The following NRXN3 variants were observed in gnomAD, a reference collection of about 807,000 sequenced individuals.
NRXN3 encodes neurexin III.
In NRXN3, 32 loss-of-function variants were observed where a neutral mutation model predicts 137.6. The ratio of observed to expected loss-of-function variants is 0.23; its 90% CI spans 0.18 to 0.31. NRXN3 has a LOEUF of 0.31. NRXN3 is among the 10% of genes least tolerant of loss of function. The pLI, the probability that NRXN3 is intolerant of heterozygous loss-of-function variation, is 1.00. For missense variants in NRXN3, 1,574 were observed against 2,062.5 expected (o/e 0.76, Z 4.59); for synonymous variants, 798 against 784.5 (o/e 1.02, Z -0.29).
chr14:79,464,613 G>T (rs1450224160), intron 15 of NRXN3, among the ~76,000 whole-genome samples: 1 of 152,054 alleles, frequency 6.6e-6, no homozygotes, highest in East Asian at 1.9e-4. Context: ...CCAAATTTGG[G>T]GGCTGTGACT....
At chr14:78,599,220 A>G (rs747428807) in intron 4 of NRXN3, among the ~76,000 whole-genome samples, 24 of 152,232 alleles carry the variant, frequency 1.6e-4, no homozygotes, top group Non-Finnish European at 2.6e-4. Context: ...ACTCATGGAA[A>G]GGAAATGAGG....
rs569371196 is a variant in NRXN3, at chr14:78,465,629, C to A, written c.757+167769C>A. 2.7e-4 allele frequency among the ~76,000 whole-genome samples: 40 copies of A among 148,550 alleles called. 1 individual carries two copies. The highest frequency in any genetic ancestry group is 1.3e-4 in the Non-Finnish European group (9 of 67,144). On this transcript the variant is annotated intron_variant, in intron 4 of 20. Coordinates refer to ENST00000335750, the MANE Select transcript of NRXN3 (RefSeq NM_001330195.2). ...CTCGGCTCGCTGCAACCTCTGCCTC[C>A]CAGGTTCAAACAGTTCTCCTGCCTC...
At chr14:79,592,790 T>C (rs748190499) in intron 16 of NRXN3, among the ~76,000 whole-genome samples, 2 of 152,210 alleles carry the variant, frequency 1.3e-5, no homozygotes, top group Non-Finnish European at 2.9e-5. Flanking sequence ...TCTTATCTTC[T>C]GTCCATAAAT....
intron 19 of NRXN3, among the ~76,000 whole-genome samples, chr14:79,766,733 G>GTATT (rs1321225262): frequency 6.6e-6 from 1 of 152,162 alleles, no homozygotes; most frequent in Non-Finnish European, 1.5e-5. Flanking sequence ...CATTTCTTGA[G>GTATT]TATTTACCAT....
intron 15 of NRXN3, among the ~76,000 whole-genome samples, chr14:79,414,352 G>T (rs948986434): frequency 2.0e-5 from 3 of 152,064 alleles, no homozygotes; most frequent in African/African-American, 7.2e-5. Context: ...TTTGACTCAG[G>T]TCAAATAGGG....
rs375192227 is a variant in NRXN3, at chr14:79,441,516, A to C, written c.3263-25705A>C. ...TGCCTCAGCCTCCCGAGTAGCTGGA[A>C]CTACAGGCGCCCGCCACCGCACCCG... On this transcript the variant is annotated intron_variant, in intron 15 of 20. Coordinates refer to ENST00000335750, the MANE Select transcript of NRXN3 (RefSeq NM_001330195.2). Among the ~76,000 whole-genome samples the C allele has an allele frequency of 1.7e-3, 253 of 151,662 alleles. 5 individuals carry two copies. In the South Asian group the frequency reaches 0.05, roughly 30 times the overall value.
At chr14:79,786,147 A>G (rs972060224) in intron 19 of NRXN3, among the ~76,000 whole-genome samples, 1 of 152,168 alleles carries the variant, frequency 6.6e-6, no homozygotes, top group Admixed American at 6.6e-5. Context: ...TGCTAGTATC[A>G]TTGTTATAAC....
intron 15 of NRXN3, among the ~76,000 whole-genome samples, chr14:78,991,488 G>A (rs924640500): frequency 6.6e-6 from 1 of 152,158 alleles, no homozygotes; most frequent in East Asian, 1.9e-4. Context: ...GGGAAAAATG[G>A]TTATGGATAT....
chr14:79,823,059 G>C (rs1330627999), intron 20 of NRXN3, among the ~76,000 whole-genome samples: 1 of 152,180 alleles, frequency 6.6e-6, no homozygotes, highest in East Asian at 1.9e-4. Flanking sequence ...GAGCTAACAT[G>C]ATCCATCTTT....
intron 15 of NRXN3, among the ~76,000 whole-genome samples, chr14:79,404,479 G>A (rs966906791): frequency 6.6e-6 from 1 of 152,052 alleles, no homozygotes; most frequent in Non-Finnish European, 1.5e-5. Flanking sequence ...CCACACTCGA[G>A]AAAACCCCGA....
At chr14:78,988,734 A>G (rs2099512304) in intron 15 of NRXN3, among the ~76,000 whole-genome samples, 2 of 151,952 alleles carry the variant, frequency 1.3e-5, no homozygotes, top group South Asian at 4.2e-4. Flanking sequence ...TCTGGTTTAT[A>G]TACACATAGC....
intron 4 of NRXN3, among the ~76,000 whole-genome samples, chr14:78,326,671 C>T (rs963623359): frequency 6.6e-6 from 1 of 152,202 alleles, no homozygotes; most frequent in African/African-American, 2.4e-5. Flanking sequence ...GCGTGGTGTT[C>T]ACAGAGCAAT....
Position 78,320,543 on chromosome 14 carries a change from GA to G in NRXN3, c.757+22685del, listed in dbSNP as rs538109696. ...TTTACCTTGTTGTTCAGAAGGATGTGAATATTTACCTAGCATATAGTCAGAG... is the reference window on the plus strand; with the variant it reads ...TTTACCTTGTTGTTCAGAAGGATGTGATATTTACCTAGCATATAGTCAGAG... On this transcript the variant is annotated intron_variant, in intron 4 of 20. Transcript: ENST00000335750. Among the ~76,000 whole-genome samples the G allele has an allele frequency of 2.6e-3, 395 of 152,262 alleles. 1 individual carries two copies. Among genetic ancestry groups the G allele is most frequent in the African/African-American group, 8.9e-3 (371 of 41,552 alleles).
chr14:79,749,833 GGTTATATCAT>G (rs2098991729), intron 19 of NRXN3, among the ~76,000 whole-genome samples: 1 of 151,890 alleles, frequency 6.6e-6, no homozygotes, highest in African/African-American at 2.4e-5. Context: ...CATTCTTTGA[GGTTATATCAT>G]GTTCATCACA....
At chr14:79,859,283 C>T (rs1382952945) in intron 20 of NRXN3, among the ~76,000 whole-genome samples, 1 of 152,104 alleles carries the variant, frequency 6.6e-6, no homozygotes, top group Non-Finnish European at 1.5e-5. Context: ...TTTCTTTCTG[C>T]AGAACACAAT....
At chr14:78,793,252 A>C (rs2098810985) in intron 8 of NRXN3, among the ~76,000 whole-genome samples, 1 of 152,218 alleles carries the variant, frequency 6.6e-6, no homozygotes, top group South Asian at 2.1e-4. Flanking sequence ...ACATTACAAT[A>C]AAATTCAAGC....
At chr14:79,073,227 C>T (rs926589204) in intron 15 of NRXN3, among the ~76,000 whole-genome samples, 3 of 152,076 alleles carry the variant, frequency 2.0e-5, no homozygotes, top group African/African-American at 7.2e-5. Flanking sequence ...CATGCTACTG[C>T]AACCAACGGA....
At chr14:78,769,497 C>G (rs1486035502) in intron 8 of NRXN3, among the ~76,000 whole-genome samples, 2 of 152,180 alleles carry the variant, frequency 1.3e-5, no homozygotes, top group African/African-American at 4.8e-5. Flanking sequence ...CTGAGCTACC[C>G]TGTGATTGAG....
chr14:79,536,373 G>A (rs1029023438), intron 16 of NRXN3, among the ~76,000 whole-genome samples: 5 of 152,098 alleles, frequency 3.3e-5, no homozygotes, highest in Non-Finnish European at 1.5e-5. Context: ...ATCATGAAAA[G>A]AGATTGGTTT....
Sources: allele counts gnomAD v4.1 joint callset (sites outside exome capture counted in the v4.1 genomes callset), GRCh38; gene constraint gnomAD v4.1.1; transcripts MANE v1.5; gene names NCBI Gene and HGNC (gene_info 2026-07-23, HGNC 2026-07-21).